PCLO: variants seen among roughly 807,000 people sequenced by gnomAD.
PCLO encodes protein piccolo.
Under a neutral mutation model 427.5 loss-of-function variants are expected in PCLO, and 82 were observed. That is an observed-to-expected ratio of 0.19 (90% CI 0.16 to 0.23). The LOEUF (loss-of-function observed/expected upper bound fraction) is 0.23. PCLO is among the 10% of genes least tolerant of loss of function. PCLO has a pLI of 1.00. For missense variants in PCLO, 6,239 were observed against 6,115.9 expected (o/e 1.02, Z -0.67); for synonymous variants, 2,357 against 2,155.4 (o/e 1.09, Z -2.59).
chr7:82,881,022 T>A (rs746394917), intron 9 of PCLO, among the ~76,000 whole-genome samples: 3 of 152,152 alleles, frequency 2.0e-5, no homozygotes, highest in Non-Finnish European at 2.9e-5. Flanking sequence ...CAAGTCCATA[T>A]CAGAACTGAG....
At chr7:82,942,680 T>G (rs372897333) in intron 6 of PCLO, among the ~76,000 whole-genome samples, 1 of 152,142 alleles carries the variant, frequency 6.6e-6, no homozygotes, top group East Asian at 1.9e-4. Flanking sequence ...CATAAATTAT[T>G]TTACTGACAT....
rs1411200147 is a variant in PCLO, at chr7:82,984,404, GTGTC to G, written c.3301-17921_3301-17918del. ...TTCACCTTAGTTTATTTCAAATGTGGTGTCTGTGTGTGTGTGTGTGTGTGTGTGT... is the reference window on the plus strand; with the variant it reads ...TTCACCTTAGTTTATTTCAAATGTGGTGTGTGTGTGTGTGTGTGTGTGTGT... On this transcript the variant is annotated intron_variant, in intron 3 of 24. Coordinates refer to ENST00000333891, the MANE Select transcript of PCLO (RefSeq NM_033026.6). Among the ~76,000 whole-genome samples, 3 of 132,138 alleles carry G rather than the reference GTGTC, an allele frequency of 2.3e-5. No homozygotes were observed. The East Asian group carries it at 6.6e-4, about 29-fold the overall frequency. The allele number at this position is 132,138 out of a possible 152,430, so 86.7% of individuals were successfully genotyped here. A position where few individuals can be genotyped will look rare whatever the true frequency, so the allele number is the denominator to read the frequency against.
In PCLO at chr7:83,097,138, C is replaced by T. The variant is rs867264788; in HGVS notation, c.3300+37112G>A. On this transcript the variant is annotated intron_variant, in intron 3 of 24. Coordinates refer to ENST00000333891, the MANE Select transcript of PCLO (RefSeq NM_033026.6). ...TTATATAAATATATTATACATTATA[C>T]ATTATATAAATATATTATACATTAT... Among the ~76,000 whole-genome samples the T allele has an allele frequency of 8.4e-5, 7 of 83,446 alleles. 1 individual carries two copies. The highest frequency in any genetic ancestry group is 3.1e-4 in the African/African-American group (7 of 22,896). 54.7% of individuals were successfully genotyped at this position (83,446 alleles called of 152,430 possible).
intron 3 of PCLO, among the ~76,000 whole-genome samples, chr7:83,043,827 C>T (rs535673448): frequency 6.7e-6 from 1 of 149,816 alleles, no homozygotes; most frequent in Non-Finnish European, 1.5e-5. Context: ...GTTTACTTTC[C>T]AATTATAGAA....
intron 3 of PCLO, among the ~76,000 whole-genome samples, chr7:83,089,540 C>T (rs1790325361): frequency 6.6e-6 from 1 of 152,182 alleles, no homozygotes; most frequent in Non-Finnish European, 1.5e-5. Context: ...TCAAACCACA[C>T]ACTGCTGTAG....
chr7:82,857,123 T>C (rs1422656286), intron 10 of PCLO, among the ~76,000 whole-genome samples: 3 of 152,166 alleles, frequency 2.0e-5, no homozygotes, highest in Admixed American at 6.6e-5. Flanking sequence ...TTTCTTTTCT[T>C]TATAAATTAC....
At chr7:83,125,292 C>T (rs1414116493) in intron 3 of PCLO, among the ~76,000 whole-genome samples, 4 of 152,016 alleles carry the variant, frequency 2.6e-5, no homozygotes, top group Admixed American at 2.6e-4. Context: ...GCCCGGCCGC[C>T]GCCCCCTCTG....
chr7:82,957,064 G>T, intron 4 of PCLO, 129 bp from the exon 5 acceptor site: 3 of 979,724 alleles, frequency 3.1e-6, no homozygotes, highest in South Asian at 3.2e-5. Context: ...CCATATCTCA[G>T]TATTTTTTAA....
At chr7:83,050,583 T>C (rs1354099795) in intron 3 of PCLO, among the ~76,000 whole-genome samples, 1 of 151,938 alleles carries the variant, frequency 6.6e-6, no homozygotes, top group African/African-American at 2.4e-5. Flanking sequence ...AAGAAAATTA[T>C]ATACAACAAC....
intron 3 of PCLO, among the ~76,000 whole-genome samples, chr7:83,111,335 T>C (rs1035903952): frequency 6.6e-6 from 1 of 152,200 alleles, no homozygotes; most frequent in Non-Finnish European, 1.5e-5. Context: ...TATTATGGGA[T>C]ATTACTCCAC....
At chr7:82,990,544 A>G (rs1272766350) in intron 3 of PCLO, among the ~76,000 whole-genome samples, 1 of 152,144 alleles carries the variant, frequency 6.6e-6, no homozygotes, top group Admixed American at 6.6e-5. Context: ...ATAGAACTTG[A>G]GTTTGGTTAC....
chr7:83,056,225 C>T (rs576878508), intron 3 of PCLO, among the ~76,000 whole-genome samples: 1 of 152,060 alleles, frequency 6.6e-6, no homozygotes, highest in African/African-American at 2.4e-5. Flanking sequence ...ATTTTTACAA[C>T]TCATTTTGAG....
At chr7:82,892,242 T>G (rs987699126) in intron 9 of PCLO, among the ~76,000 whole-genome samples, 4 of 151,942 alleles carry the variant, frequency 2.6e-5, no homozygotes, top group Admixed American at 1.3e-4. Context: ...TAGATCAATG[T>G]AACAGGACAG....
intron 9 of PCLO, among the ~76,000 whole-genome samples, chr7:82,887,300 C>T (rs1335384607): frequency 6.6e-6 from 1 of 152,164 alleles, no homozygotes; most frequent in African/African-American, 2.4e-5. Context: ...CTTTGATCAT[C>T]ACTCTAATTG....
chr7:82,817,579 G>A (rs1223964943), intron 20 of PCLO, among the ~76,000 whole-genome samples: 1 of 152,068 alleles, frequency 6.6e-6, no homozygotes, highest in Non-Finnish European at 1.5e-5. Context: ...CTCCCACAGA[G>A]TGATGGCTTA....
At chr7:83,097,097 G>A (rs190114177) in intron 3 of PCLO, among the ~76,000 whole-genome samples, 6 of 29,758 alleles carry the variant, frequency 2.0e-4, no homozygotes, top group Admixed American at 7.9e-4. Context: ...TACATTATAT[G>A]AATATATATT....
chr7:83,128,469 T>TTA (rs1791494498), intron 3 of PCLO, among the ~76,000 whole-genome samples: 1 of 152,160 alleles, frequency 6.6e-6, no homozygotes, highest in Admixed American at 6.5e-5. Flanking sequence ...CCAGTGACTA[T>TTA]TATTTCAGAT....
intron 3 of PCLO, among the ~76,000 whole-genome samples, chr7:83,065,233 C>T (rs1451793850): frequency 6.6e-6 from 1 of 151,854 alleles, no homozygotes; most frequent in African/African-American, 2.4e-5. Context: ...TCCATATTTG[C>T]TCTTTTAAAA....
intron 10 of PCLO, among the ~76,000 whole-genome samples, chr7:82,866,273 A>G (rs1402362248): frequency 6.6e-6 from 1 of 151,842 alleles, no homozygotes; most frequent in Non-Finnish European, 1.5e-5. Context: ...TACGTGCCAT[A>G]CCCACCCTCC....
Sources: gnomAD v4.1 joint callset for allele counts (sites outside exome capture counted in the v4.1 genomes callset) on GRCh38, gnomAD v4.1.1 for gene constraint, MANE v1.5 for transcripts, NCBI Gene and HGNC (gene_info 2026-07-23, HGNC 2026-07-21) for gene names.